Variants in RPTOR observed in about 807,000 individuals in gnomAD.
RPTOR encodes regulatory-associated protein of mTOR.
In RPTOR, 21 loss-of-function variants were observed where a neutral mutation model predicts 169.9. The ratio of observed to expected loss-of-function variants is 0.12; its 90% CI spans 0.09 to 0.18. The LOEUF is 0.18. RPTOR is among the 10% of genes least tolerant of loss of function. The pLI is 1.00. For synonymous variants in RPTOR, 732 were observed against 753.2 expected, an observed-to-expected ratio of 0.97 and a Z score of 0.46; for missense variants, 1,133 against 1,855.9, an observed-to-expected ratio of 0.61 and a Z score of 7.16.
chr17:80,877,623 G>A (rs1255605330), intron 13 of RPTOR, among the ~76,000 whole-genome samples: 1 of 152,188 alleles, frequency 6.6e-6, no homozygotes, highest in Non-Finnish European at 1.5e-5. Flanking sequence ...TGGAACCTGT[G>A]GTTAAAACAA....
rs769393175 is a variant in RPTOR at position 80,923,578 on chromosome 17, C to T, written c.2713C>T (p.Arg905Trp). Residue 905 changes from arginine (R) to tryptophan (W), a missense_variant, in exon 23 of 34, where the codon CGG becomes TGG. Physicochemically the swap from Arg to Trp is moderately radical, Grantham distance 101 (BLOSUM62 -3). Coordinates refer to ENST00000306801, the MANE Select transcript of RPTOR (RefSeq NM_020761.3). Reference sequence around the variant, plus strand: ...GGTCAGCCGAGACTTGCCTTCTGGCCGGCCGGGCACCACAGGCCCCGCTGG... The same window carrying T: ...GGTCAGCCGAGACTTGCCTTCTGGCTGGCCGGGCACCACAGGCCCCGCTGG... ...QPVSRDLPSG[R>W]PGTTGPAGAQ... 5 of 1,613,426 alleles carry T rather than the reference C, an allele frequency of 3.1e-6. No homozygotes were observed. The highest frequency in any genetic ancestry group is 4.2e-6 in the Non-Finnish European group (5 of 1,179,976).
At chr17:80,788,109 T>C (rs931616016) in intron 6 of RPTOR, among the ~76,000 whole-genome samples, 1 of 152,226 alleles carries the variant, frequency 6.6e-6, no homozygotes, top group African/African-American at 2.4e-5. Context: ...ATTTTTGTCA[T>C]GCTCACACAT....
intron 11 of RPTOR, among the ~76,000 whole-genome samples, chr17:80,852,141 C>T (rs536618901): frequency 1.3e-5 from 2 of 152,242 alleles, no homozygotes; most frequent in Admixed American, 6.5e-5. Flanking sequence ...ACTTTACATC[C>T]GCTGGACACC....
At chr17:80,635,242 T>G (rs565905355) in intron 2 of RPTOR, among the ~76,000 whole-genome samples, 140 of 152,322 alleles carry the variant, frequency 9.2e-4, no homozygotes, top group African/African-American at 3.3e-3. Context: ...TATGGTCACC[T>G]TTCTGCAGCC....
chr17:80,658,571 T>G (rs1202690801), intron 3 of RPTOR, among the ~76,000 whole-genome samples: 2 of 152,212 alleles, frequency 1.3e-5, no homozygotes, highest in Admixed American at 6.5e-5. Flanking sequence ...ATATGTATCC[T>G]TTTTGGTGCT....
chr17:80,914,244 C>T (rs553239604), intron 21 of RPTOR, among the ~76,000 whole-genome samples: 1 of 152,248 alleles, frequency 6.6e-6, no homozygotes, highest in Non-Finnish European at 1.5e-5. Context: ...AATCCCACCC[C>T]CTTCCAAACT....
intron 1 of RPTOR, among the ~76,000 whole-genome samples, chr17:80,614,755 A>T (rs1446770370): frequency 2.6e-5 from 4 of 152,232 alleles, no homozygotes; most frequent in Non-Finnish European, 4.4e-5. Context: ...CCCAGGGAAG[A>T]TGCATGTGCC....
chr17:80,630,625 A>T (rs1248436505), intron 2 of RPTOR, among the ~76,000 whole-genome samples: 1 of 152,234 alleles, frequency 6.6e-6, no homozygotes, highest in African/African-American at 2.4e-5. Flanking sequence ...CTGATTGTGG[A>T]TGTCACCACA....
intron 4 of RPTOR, among the ~76,000 whole-genome samples, chr17:80,710,541 G>T (rs561074627): frequency 3.4e-4 from 51 of 149,974 alleles, no homozygotes; most frequent in Non-Finnish European, 7.1e-4. Context: ...ATTGTGACTA[G>T]ATGTTGATTT....
intron 1 of RPTOR, among the ~76,000 whole-genome samples, chr17:80,573,292 G>T (rs1389725273): frequency 1.3e-5 from 2 of 152,200 alleles, no homozygotes. Context: ...CGAGTTCAAA[G>T]AAAGAAAATT....
At chr17:80,800,359 G>A (rs1180876801) in intron 7 of RPTOR, among the ~76,000 whole-genome samples, 2 of 152,146 alleles carry the variant, frequency 1.3e-5, no homozygotes, top group Non-Finnish European at 2.9e-5. Context: ...TCAAAATCAA[G>A]GCTCCTCAGG....
rs183253296 is a variant in RPTOR, at chr17:80,675,403, G to T, written c.348+31593G>T. 6.0e-4 allele frequency among the ~76,000 whole-genome samples: 92 copies of T among 152,296 alleles called. No homozygotes were observed. The East Asian group carries it at 0.017, about 28-fold the overall frequency. ...AGTCTGAGGTTTTCTATCACACCCG[G>T]GTCAAGGCCAGCCATCCCTCCTCTC... On this transcript the variant is annotated intron_variant, in intron 3 of 33. Transcript: ENST00000306801.
chr17:80,888,183 C>T (rs915243757), intron 17 of RPTOR, among the ~76,000 whole-genome samples: 3 of 152,222 alleles, frequency 2.0e-5, no homozygotes, highest in Non-Finnish European at 2.9e-5. Flanking sequence ...GGCACAATCT[C>T]GGCTCACTGC....
intron 6 of RPTOR, among the ~76,000 whole-genome samples, chr17:80,772,561 C>T (rs1264094101): frequency 2.0e-5 from 3 of 148,708 alleles, no homozygotes; most frequent in Middle Eastern, 3.4e-3. Flanking sequence ...CTACCCTCCC[C>T]GCCCTTGTCT....
intron 13 of RPTOR, among the ~76,000 whole-genome samples, chr17:80,858,496 CTA>C (rs1389667618): frequency 6.6e-6 from 1 of 152,236 alleles, no homozygotes; most frequent in Non-Finnish European, 1.5e-5. Context: ...CCATATTTAG[CTA>C]TGTTAAGAGA....
At position 80,878,471 on chromosome 17, in the gene RPTOR, C is replaced by G. The variant is rs1328865751; in HGVS notation, c.1510-1944C>G. ...CAGCGATTCTCCTGCCTCAGCCTCC[C>G]GAGTAGCTGGGACTACAGGCACGCA... On this transcript the variant is annotated intron_variant, in intron 13 of 33. Coordinates refer to ENST00000306801, the MANE Select transcript of RPTOR (RefSeq NM_020761.3). The surrounding 1 kb of genome is among the most constrained non-coding windows in gnomAD (Gnocchi z 4.1). Among the ~76,000 whole-genome samples the G allele has an allele frequency of 6.6e-6, 1 of 152,104 alleles. No individual in the cohort carries two copies. Among genetic ancestry groups the G allele is most frequent in the Non-Finnish European group, 1.5e-5 (1 of 68,022 alleles).
chr17:80,755,737 T>G lies in RPTOR; in HGVS notation c.830+1552T>G, dbSNP rs200754331. Among the ~76,000 whole-genome samples, 8 of 71,360 alleles carry G rather than the reference T, an allele frequency of 1.1e-4. No individual in the cohort carries two copies. In the East Asian group the frequency reaches 4.1e-3, roughly 36 times the overall value. 46.8% of individuals were successfully genotyped at this position (71,360 alleles called of 152,430 possible). ...CTGGGTGACGGAGCAAGACCCTGTCTCAAAAAAAAAAAAAAAAAAAAGAAA... is the reference window on the plus strand; with the variant it reads ...CTGGGTGACGGAGCAAGACCCTGTCGCAAAAAAAAAAAAAAAAAAAAGAAA... On this transcript the variant is annotated intron_variant, in intron 6 of 33. Transcript: ENST00000306801.
At chr17:80,942,654 G>A (rs2069047330) in intron 25 of RPTOR, among the ~76,000 whole-genome samples, 2 of 152,178 alleles carry the variant, frequency 1.3e-5, no homozygotes, top group Non-Finnish European at 2.9e-5. Flanking sequence ...AGCCAACTGT[G>A]TGCTGGGAAA....
intron 7 of RPTOR, among the ~76,000 whole-genome samples, chr17:80,792,263 G>A (rs75099973): frequency 0.035 from 5,382 of 152,136 alleles, 98 homozygotes; most frequent in Non-Finnish European, 0.039. Context: ...CAAGATAATT[G>A]TTTTCTACAT....
Sources: allele counts gnomAD v4.1 joint callset (sites outside exome capture counted in the v4.1 genomes callset), GRCh38; gene constraint gnomAD v4.1.1; non-coding constraint Gnocchi (gnomAD v3.1); transcripts MANE v1.5; gene names NCBI Gene and HGNC (gene_info 2026-07-23, HGNC 2026-07-21).